The following ATP7B variants were observed in gnomAD, a reference collection of about 807,000 sequenced individuals.
ATP7B encodes ATPase copper transporting beta, also known as copper-transporting ATPase 2.
Under a neutral mutation model 118.9 loss-of-function variants are expected in ATP7B, and 113 were observed. The ratio of observed to expected loss-of-function variants is 0.95; its 90% CI spans 0.82 to 1.11. The LOEUF (loss-of-function observed/expected upper bound fraction) is 1.11, where lower values mean the gene tolerates loss of function less well. Among genes scored for constraint, ATP7B ranks in the 50% most tolerant of loss-of-function variants. ATP7B has a pLI of 0.00. For missense variants in ATP7B, 1,867 were observed against 1,871.4 expected (o/e 1.00, Z 0.04); for synonymous variants, 777 against 727.4 (o/e 1.07, Z -1.10).
intron 9 of ATP7B, among the ~76,000 whole-genome samples, chr13:51,953,851 T>TTAAAAAAAAAAAAAA (rs1822363236): frequency 4.2e-5 from 4 of 94,364 alleles, no homozygotes; most frequent in Admixed American, 1.2e-4. Flanking sequence ...CCATCAATTG[T>TTAAAAAAAAAAAAAA]AAAAAAAAAA....
chr13:51,953,400 T>C (rs1958131314), intron 9 of ATP7B, among the ~76,000 whole-genome samples: 1 of 152,208 alleles, frequency 6.6e-6, no homozygotes, highest in Non-Finnish European at 1.5e-5. Flanking sequence ...AAATGTCCAC[T>C]TCTGTAAGGA....
At chr13:51,967,269 T>A (rs913296072) in intron 4 of ATP7B, 12 of 763,168 alleles carry the variant, frequency 1.6e-5, no homozygotes, top group African/African-American at 1.4e-4. Context: ...ATTATCTTTA[T>A]CACAAACATT....
In ATP7B at chr13:51,935,623, GAC is replaced by G. The variant is rs771603301; in HGVS notation, c.4092_4093del (p.Ser1365CysfsTer12). On this transcript the variant is annotated frameshift_variant, in exon 20 of 21. Coordinates refer to ENST00000242839, the MANE Select transcript of ATP7B (RefSeq NM_000053.4). LOFTEE classifies it high-confidence loss of function. The stretch of plus-strand genomic sequence containing the variant: ...GAGCTGCAGGGATGAGAGCACCACA[GAC>G]ACAGAGGAGGCTGCCATGGCCGCTG... 102 of 1,613,720 alleles carry G rather than the reference GAC, an allele frequency of 6.3e-5. No individual in the cohort carries two copies. Among genetic ancestry groups the G allele is most frequent in the Non-Finnish European group, 8.4e-5 (99 of 1,179,974 alleles).
At chr13:51,995,736 G>A (rs991948213) in intron 1 of ATP7B, among the ~76,000 whole-genome samples, 2 of 152,110 alleles carry the variant, frequency 1.3e-5, no homozygotes, top group African/African-American at 4.8e-5. Flanking sequence ...CAAGCTTTGG[G>A]AACTTGGGCA....
intron 1 of ATP7B, among the ~76,000 whole-genome samples, chr13:52,005,488 A>G (rs1953721876): frequency 6.6e-6 from 1 of 152,178 alleles, no homozygotes; most frequent in African/African-American, 2.4e-5. Context: ...GCTTTTCTCT[A>G]GTTCCCAATA....
In ATP7B at chr13:51,975,181, G is replaced by T. The variant is rs750693417; in HGVS notation, c.52-13C>A. On this transcript the variant is annotated splice_polypyrimidine_tract_variant and intron_variant, in intron 1 of 20. Transcript: ENST00000242839. ...GCTTAGATAAGATCTAAAAAGAAAA[G>T]AAATAACATTTTTTAACCTTGAAAC... The T allele has an allele frequency of 8.7e-6, 14 of 1,613,928 alleles. No individual in the cohort carries two copies. Among genetic ancestry groups the T allele is most frequent in the Middle Eastern group, 1.7e-4 (1 of 6,060 alleles).
At chr13:51,978,882 G>T (rs896726510) in intron 1 of ATP7B, 3 of 152,190 alleles carry the variant, frequency 2.0e-5, no homozygotes, top group Non-Finnish European at 4.4e-5. Context: ...TAGCACCACT[G>T]GGGGTGGCCT....
chr13:51,970,371 T>C (rs1951778883), intron 3 of ATP7B, 121 bp downstream of exon 3: 1 of 1,384,972 alleles, frequency 7.2e-7, no homozygotes, highest in Non-Finnish European at 1.0e-6. Context: ...TTATGCTATA[T>C]AATGAACTTG....
chr13:51,935,765 G>C, intron 19 of ATP7B, 70 bp from the exon 20 acceptor site: 3 of 1,415,368 alleles, frequency 2.1e-6, no homozygotes, highest in Non-Finnish European at 1.9e-6. Flanking sequence ...TTCAGGCACC[G>C]GGCTGCCCCA....
At chr13:52,006,303 A>G (rs1953768453) in intron 1 of ATP7B, among the ~76,000 whole-genome samples, 1 of 152,196 alleles carries the variant, frequency 6.6e-6, no homozygotes, top group South Asian at 2.1e-4. Flanking sequence ...CATTGAGAAG[A>G]AAATGTGTGT....
In ATP7B at chr13:51,970,541, G is replaced by C. The variant is rs1951787914; in HGVS notation, c.1494C>G (p.Thr498=). Reference sequence around the variant, plus strand: ...CTATGTTAGACACACAGGATGCACAGGTCATGCCTTTGATCTGTAAGAAGC... The same window carrying C: ...CTATGTTAGACACACAGGATGCACACGTCATGCCTTTGATCTGTAAGAAGC... ...QKCFLQIKGM[T]CASCVSNIER... Residue 498 remains threonine, a synonymous_variant, in exon 3 of 21, where the codon ACC becomes ACG. Transcript: ENST00000242839. 6.2e-7 allele frequency: 1 copy of C among 1,614,178 alleles called. No individual in the cohort carries two copies. The highest frequency in any genetic ancestry group is 8.5e-7 in the Non-Finnish European group (1 of 1,180,036).
chr13:51,971,703 A>G (rs140728501), intron 2 of ATP7B, among the ~76,000 whole-genome samples: 1 of 152,380 alleles, frequency 6.6e-6, no homozygotes, highest in Non-Finnish European at 1.5e-5. Flanking sequence ...TACAAAAGAC[A>G]AAGCACAAAA....
chr13:51,950,746 A>T (rs1566505547), intron 9 of ATP7B, among the ~76,000 whole-genome samples: 1 of 151,412 alleles, frequency 6.6e-6, no homozygotes, highest in Non-Finnish European at 1.5e-5. Flanking sequence ...TTAGAGTGGC[A>T]GAGGGAGGAG....
chr13:51,962,105 T>C (rs949718993), intron 5 of ATP7B, among the ~76,000 whole-genome samples, 192 bp from the exon 6 acceptor site: 3 of 152,206 alleles, frequency 2.0e-5, no homozygotes, highest in Non-Finnish European at 4.4e-5. Flanking sequence ...AGTTCAGCAC[T>C]TCTGGGAAGA....
rs764314257 is a variant in ATP7B, at chr13:52,011,370, C to T, written c.-33G>A. 1 of 1,614,172 alleles carries T rather than the reference C, an allele frequency of 6.2e-7. No homozygotes were observed. Among genetic ancestry groups the T allele is most frequent in the East Asian group, 2.2e-5 (1 of 44,882 alleles). On this transcript the variant is annotated 5_prime_UTR_variant, in exon 1 of 21. Transcript: ENST00000242839. ...CACGGACACCGAATTCTTCTCTGAT[C>T]TGGCTCAGAGCAAAAGGTCACCTGG...
Position 51,974,105 on chromosome 13 carries a change from G to A in ATP7B, c.1115C>T (p.Ser372Phe), listed in dbSNP as rs1951982961. ...LIAIAGMTCA[S>F]CVHSIEGMIS... Reference sequence around the variant, plus strand: ...CATGCCTTCAATGGAATGGACACAGGATGCACAGGTCATGCCGGCAATGGC... The same window carrying A: ...CATGCCTTCAATGGAATGGACACAGAATGCACAGGTCATGCCGGCAATGGC... Residue 372 changes from serine to phenylalanine, a missense_variant, in exon 2 of 21, where the codon TCC (serine) becomes TTC (phenylalanine). Coordinates refer to ENST00000242839, the MANE Select transcript of ATP7B (RefSeq NM_000053.4). 1.9e-6 allele frequency: 3 copies of A among 1,613,928 alleles called. No individual in the cohort carries two copies. In the East Asian group the frequency reaches 6.7e-5, roughly 36 times the overall value.
intron 12 of ATP7B, among the ~76,000 whole-genome samples, chr13:51,948,898 G>A (rs1015738694): frequency 1.3e-5 from 2 of 152,038 alleles, no homozygotes; most frequent in South Asian, 4.2e-4. Context: ...AGCTATTCAC[G>A]CCTGGGTGCA....
intron 1 of ATP7B, among the ~76,000 whole-genome samples, chr13:51,993,213 G>T (rs139846211): frequency 6.6e-6 from 1 of 151,756 alleles, no homozygotes; most frequent in African/African-American, 2.4e-5. Context: ...TATTCTCCTC[G>T]TTCCATCGTA....
chr13:52,010,182 A>C (rs936451248), intron 1 of ATP7B, among the ~76,000 whole-genome samples: 1 of 152,194 alleles, frequency 6.6e-6, no homozygotes, highest in African/African-American at 2.4e-5. Flanking sequence ...TCAAATGCAT[A>C]GTCATCATAC....
Sources: allele counts gnomAD v4.1 joint callset (sites outside exome capture counted in the v4.1 genomes callset), GRCh38; gene constraint gnomAD v4.1.1; transcripts MANE v1.5; gene names NCBI Gene and HGNC (gene_info 2026-07-23, HGNC 2026-07-21).